Variants in SCML4 observed in about 807,000 individuals in gnomAD.
SCML4 encodes Scm polycomb group protein like 4.
SCML4 carries 34 observed loss-of-function variants against 41.1 expected under a neutral mutation model. That is an observed-to-expected ratio of 0.83 (90% CI 0.63 to 1.10). The LOEUF (loss-of-function observed/expected upper bound fraction) is 1.10. Among genes scored for constraint, SCML4 ranks in the 50% least tolerant of loss-of-function variants. SCML4 has a pLI of 0.00. For missense variants in SCML4, 522 were observed against 534.1 expected (o/e 0.98, Z 0.22); for synonymous variants, 214 against 220.9 (o/e 0.97, Z 0.28).
intron 2 of SCML4, among the ~76,000 whole-genome samples, chr6:107,760,770 C>A (rs1779517926): frequency 6.6e-6 from 1 of 152,018 alleles, no homozygotes; most frequent in Non-Finnish European, 1.5e-5. Flanking sequence ...AGCAATGAAG[C>A]CCCCCAAATA....
chr6:107,748,192 A>C (rs1778303221), intron 3 of SCML4, among the ~76,000 whole-genome samples: 1 of 152,224 alleles, frequency 6.6e-6, no homozygotes, highest in Non-Finnish European at 1.5e-5. Context: ...GATAAGATGA[A>C]TAGGAATAGT....
intron 1 of SCML4, among the ~76,000 whole-genome samples, chr6:107,816,127 A>G (rs1784538383): frequency 6.6e-6 from 1 of 152,148 alleles, no homozygotes; most frequent in Admixed American, 6.5e-5. Context: ...GGCCCTCAAT[A>G]AGTTAGTTAT....
At chr6:107,803,352 G>A (rs978944188) in intron 1 of SCML4, among the ~76,000 whole-genome samples, 9 of 151,768 alleles carry the variant, frequency 5.9e-5, no homozygotes, top group South Asian at 2.1e-4. Flanking sequence ...GTCTCCGCCC[G>A]GCAGCCACCC....
chr6:107,714,971 CCCTT>C (rs1661595373), intron 6 of SCML4, among the ~76,000 whole-genome samples: 3 of 95,908 alleles, frequency 3.1e-5, no homozygotes, highest in African/African-American at 3.3e-5. Context: ...CCTGCACAAA[CCCTT>C]TATTTTTTTT....
At chr6:107,794,036 A>G (rs1782534912) in intron 1 of SCML4, among the ~76,000 whole-genome samples, 1 of 152,202 alleles carries the variant, frequency 6.6e-6, no homozygotes, top group Non-Finnish European at 1.5e-5. Context: ...CCCAACCATC[A>G]ATCTCTCTTA....
chr6:107,717,290 CA>C (rs11449697), intron 6 of SCML4, among the ~76,000 whole-genome samples: 14,687 of 118,962 alleles, frequency 0.12, 772 homozygotes, highest in African/African-American at 0.2. Context: ...GACTCTGTCT[CA>C]AAAAAAAAAA....
chr6:107,820,773 C>T (rs1157872865), intron 1 of SCML4, among the ~76,000 whole-genome samples: 1 of 152,134 alleles, frequency 6.6e-6, no homozygotes, highest in African/African-American at 2.4e-5. Flanking sequence ...ACAGCAGAGA[C>T]TCTAGTAGAG....
intron 5 of SCML4, among the ~76,000 whole-genome samples, chr6:107,744,326 A>C (rs950174695): frequency 3.9e-5 from 6 of 152,126 alleles, no homozygotes. Flanking sequence ...CCACTTTTCC[A>C]TCCTGAGCTA....
chr6:107,743,219 C>G (rs1345540349), intron 5 of SCML4, among the ~76,000 whole-genome samples: 2 of 152,152 alleles, frequency 1.3e-5, no homozygotes, highest in East Asian at 3.8e-4. Context: ...GAATAAAGTT[C>G]AATTATCACC....
chr6:107,751,646 C>CTTTCTTTCTTTCTTTCTT (rs1425350341), intron 2 of SCML4, among the ~76,000 whole-genome samples: 1 of 103,648 alleles, frequency 9.6e-6, no homozygotes, highest in Admixed American at 1.0e-4. Flanking sequence ...TTCTTTCTTT[C>CTTTCTTTCTTTCTTTCTT]TTTTTTGAGA....
At chr6:107,749,908 C>T in intron 2 of SCML4, 95 bp from the exon 3 acceptor site, 1 of 1,287,820 alleles carries the variant, frequency 7.8e-7, no homozygotes, top group Non-Finnish European at 1.1e-6. Context: ...CATTGCTCTT[C>T]TATCATGCTT....
intron 1 of SCML4, among the ~76,000 whole-genome samples, chr6:107,782,405 G>T (rs918786520): frequency 6.6e-6 from 1 of 152,190 alleles, no homozygotes. Context: ...GGAGGGATCC[G>T]GTCCCGGGGG....
At chr6:107,767,251 C>T (rs543862161) in intron 2 of SCML4, among the ~76,000 whole-genome samples, 17 of 152,208 alleles carry the variant, frequency 1.1e-4, no homozygotes, top group African/African-American at 3.1e-4. Context: ...CCACCACACC[C>T]GGCCTATTAA....
intron 1 of SCML4, among the ~76,000 whole-genome samples, chr6:107,802,708 TCCTCTCCCTCTCCCTCTCCCCCTC>T (rs1562273239): frequency 2.6e-5 from 3 of 117,392 alleles, no homozygotes; most frequent in Admixed American, 8.1e-5. Flanking sequence ...TCCCTCTCCC[TCCTCTCCCTCTCCCTCTCCCCCTC>T]CCTCTCCCTC....
the SCML4 span, among the ~76,000 whole-genome samples, chr6:107,842,702 T>C: frequency 6.6e-6 from 1 of 152,230 alleles, no homozygotes; most frequent in East Asian, 1.9e-4. Context: ...CCTGGTCTTT[T>C]GTGATTTTCT....
chr6:107,800,754 C>T (rs1344341828), intron 1 of SCML4, among the ~76,000 whole-genome samples: 1 of 152,166 alleles, frequency 6.6e-6, no homozygotes, highest in African/African-American at 2.4e-5. Context: ...ATGTTAGGTC[C>T]TGTCAATAGA....
chr6:107,797,505 A>G (rs1190015474), intron 1 of SCML4, among the ~76,000 whole-genome samples: 1 of 152,078 alleles, frequency 6.6e-6, no homozygotes, highest in Non-Finnish European at 1.5e-5. Flanking sequence ...CTTCTAAGTG[A>G]CCATATATAG....
intron 1 of SCML4, among the ~76,000 whole-genome samples, chr6:107,802,593 A>C (rs1242016888): frequency 3.1e-5 from 4 of 127,094 alleles, no homozygotes; most frequent in African/African-American, 9.2e-5. Context: ...GAAGGAAGGA[A>C]GGAAGGAAGG....
chr6:107,796,244 C>T (rs890337022), intron 1 of SCML4, among the ~76,000 whole-genome samples: 1 of 152,088 alleles, frequency 6.6e-6, no homozygotes, highest in African/African-American at 2.4e-5. Flanking sequence ...TTATAAAGAA[C>T]TGCCAATTTT....
Sources: gnomAD v4.1 joint callset for allele counts (sites outside exome capture counted in the v4.1 genomes callset) on GRCh38, gnomAD v4.1.1 for gene constraint, MANE v1.5 for transcripts, NCBI Gene and HGNC (gene_info 2026-07-23, HGNC 2026-07-21) for gene names.